The following CCDC169 variants were observed in gnomAD, a reference collection of about 807,000 sequenced individuals.
CCDC169 encodes the protein coiled-coil domain containing 169, also known as coiled-coil domain-containing protein 169.
CCDC169 carries 30 observed loss-of-function variants against 36.0 expected under a neutral mutation model. The ratio of observed to expected loss-of-function variants is 0.83; its 90% CI spans 0.62 to 1.13. The LOEUF is 1.13. Among genes scored for constraint, CCDC169 ranks in the 50% most tolerant of loss-of-function variants. The probability of loss-of-function intolerance (pLI) is 0.00; values close to 1 mark genes in which losing one functional copy is unlikely to be tolerated. For missense variants in CCDC169, 245 were observed against 245.9 expected, an observed-to-expected ratio of 1.00 and a Z score of 0.03; for synonymous variants, 85 against 81.5, an observed-to-expected ratio of 1.04 and a Z score of -0.23.
At chr13:36,265,007 CT>C (rs1321849457) in intron 4 of CCDC169, among the ~76,000 whole-genome samples, 1 of 152,176 alleles carries the variant, frequency 6.6e-6, no homozygotes, top group Non-Finnish European at 1.5e-5. Context: ...GGTCAACTGC[CT>C]GCTTGATTTA....
intron 4 of CCDC169, among the ~76,000 whole-genome samples, chr13:36,267,904 T>C (rs1388711076): frequency 6.6e-6 from 1 of 151,940 alleles, no homozygotes; most frequent in East Asian, 1.9e-4. Context: ...CAAGAAGATA[T>C]TTCAATTCTA....
chr13:36,263,420 T>C (rs749506147), intron 4 of CCDC169, among the ~76,000 whole-genome samples: 47 of 152,316 alleles, frequency 3.1e-4, no homozygotes, highest in Non-Finnish European at 4.9e-4. Flanking sequence ...AGCTGATTTA[T>C]ATCTCCACAA....
chr13:36,284,995 T>C (rs1034882670), intron 2 of CCDC169, among the ~76,000 whole-genome samples: 11 of 152,292 alleles, frequency 7.2e-5, no homozygotes, highest in Middle Eastern at 6.8e-3. Flanking sequence ...CCTGAAAGAC[T>C]AAACATTTAC....
intron 7 of CCDC169, among the ~76,000 whole-genome samples, chr13:36,239,723 T>C (rs1043134062): frequency 3.9e-5 from 6 of 152,174 alleles, no homozygotes; most frequent in African/African-American, 1.4e-4. Context: ...TTATATAAAG[T>C]CACATTAAAT....
intron 1 of CCDC169, among the ~76,000 whole-genome samples, chr13:36,296,123 G>A (rs745780305): frequency 6.6e-5 from 10 of 152,086 alleles, no homozygotes; most frequent in African/African-American, 1.9e-4. Flanking sequence ...ACAGAATCTC[G>A]CTCTGTCGCC....
intron 4 of CCDC169, among the ~76,000 whole-genome samples, chr13:36,270,340 A>AT (rs1253183115): frequency 1.3e-5 from 2 of 152,208 alleles, no homozygotes; most frequent in African/African-American, 2.4e-5. Context: ...AAAGGACCAT[A>AT]TTGCCCAAAG....
At chr13:36,243,943 C>T (rs9546863) in intron 7 of CCDC169, among the ~76,000 whole-genome samples, 61,677 of 152,128 alleles carry the variant, frequency 0.41, 13,286 homozygotes, top group Non-Finnish European at 0.48. Flanking sequence ...TCTGGTGACA[C>T]ACATATGTGT....
chr13:36,254,572 G>A (rs1185313), intron 4 of CCDC169, among the ~76,000 whole-genome samples: 65,466 of 151,792 alleles, frequency 0.43, 14,992 homozygotes, highest in African/African-American at 0.58. Context: ...CCACTGCACC[G>A]GGCTAATGTG....
At position 36,283,599 on chromosome 13, in the gene CCDC169, G is replaced by A. The variant is rs1334349413; in HGVS notation, c.267C>T (p.Asn89=). The change falls in exon 3 of 8, where the codon AAC becomes AAT. Residue 89 remains asparagine, a synonymous_variant. Coordinates refer to ENST00000239859, the MANE Select transcript of CCDC169 (RefSeq NM_001144981.3). ...LKEKVEKIHG[N]SSDRLSSIRV... ...ATATGATTGGTTTTGTACCTGAAGA[G>A]TTTCCATGGATTTTTTCCACTTTCT... is the stretch of plus-strand genomic sequence containing the variant. 20 of 1,551,132 alleles carry A rather than the reference G, an allele frequency of 1.3e-5. No individual in the cohort carries two copies. Among genetic ancestry groups the A allele is most frequent in the Non-Finnish European group, 1.7e-5 (20 of 1,146,798 alleles).
At chr13:36,230,315 C>T (rs1350708548), downstream of CCDC169, among the ~76,000 whole-genome samples, 1 of 152,178 alleles carries the variant, frequency 6.6e-6, no homozygotes, top group Non-Finnish European at 1.5e-5. Context: ...ACCTAGGTGA[C>T]AGTTACAAAA....
At chr13:36,252,574 C>T (rs1873305578) in intron 6 of CCDC169, among the ~76,000 whole-genome samples, 1 of 152,170 alleles carries the variant, frequency 6.6e-6, no homozygotes, top group Non-Finnish European at 1.5e-5. Context: ...GGACTCCAAC[C>T]CTCTTTTCGG....
At chr13:36,278,521 C>A (rs368701425) in intron 4 of CCDC169, among the ~76,000 whole-genome samples, 1 of 152,150 alleles carries the variant, frequency 6.6e-6, no homozygotes, top group African/African-American at 2.4e-5. Flanking sequence ...CTCTGGACAA[C>A]GTGTTTTATC....
intron 7 of CCDC169, among the ~76,000 whole-genome samples, chr13:36,238,397 GC>G (rs1322280806): frequency 6.6e-6 from 1 of 152,162 alleles, no homozygotes; most frequent in African/African-American, 2.4e-5. Context: ...CTTCCAAAGT[GC>G]TAAGGATACA....
chr13:36,270,007 C>T (rs1875823089), intron 4 of CCDC169, among the ~76,000 whole-genome samples: 1 of 152,202 alleles, frequency 6.6e-6, no homozygotes, highest in South Asian at 2.1e-4. Context: ...ACGACATGAT[C>T]GTATACCTAG....
At chr13:36,239,749 C>A (rs1829885176) in intron 7 of CCDC169, among the ~76,000 whole-genome samples, 1 of 151,948 alleles carries the variant, frequency 6.6e-6, no homozygotes, top group East Asian at 1.9e-4. Flanking sequence ...GAAATGGAGG[C>A]AAAAATTGAT....
intron 4 of CCDC169, among the ~76,000 whole-genome samples, chr13:36,263,834 A>T (rs1407453307): frequency 6.6e-6 from 1 of 152,192 alleles, no homozygotes; most frequent in Non-Finnish European, 1.5e-5. Flanking sequence ...GAATCATTTT[A>T]TAGAAAATTA....
At chr13:36,288,778 A>C (rs1878540601) in intron 2 of CCDC169, among the ~76,000 whole-genome samples, 1 of 152,162 alleles carries the variant, frequency 6.6e-6, no homozygotes, top group Non-Finnish European at 1.5e-5. Flanking sequence ...AAAAAGAATC[A>C]GTGAGTAGGG....
chr13:36,257,025 C>G (rs1440298924), intron 4 of CCDC169, among the ~76,000 whole-genome samples: 2 of 152,182 alleles, frequency 1.3e-5, no homozygotes, highest in Non-Finnish European at 2.9e-5. Flanking sequence ...TTGCTAGTGG[C>G]CTGTGGGCCA....
intron 4 of CCDC169, among the ~76,000 whole-genome samples, chr13:36,256,183 G>A (rs1437595793): frequency 6.6e-6 from 1 of 152,202 alleles, no homozygotes; most frequent in African/African-American, 2.4e-5. Flanking sequence ...AAGTGTGAGG[G>A]ACGTGATTTG....
Sources: gnomAD v4.1 joint callset for allele counts (sites outside exome capture counted in the v4.1 genomes callset) on GRCh38, gnomAD v4.1.1 for gene constraint, MANE v1.5 for transcripts, NCBI Gene and HGNC (gene_info 2026-07-23, HGNC 2026-07-21) for gene names.